Variants in AGAP2 observed in about 807,000 individuals in gnomAD.
AGAP2 encodes arf-GAP with GTPase, ANK repeat and PH domain-containing protein 2.
In AGAP2, 32 loss-of-function variants were observed where a neutral mutation model predicts 110.9. The ratio of observed to expected loss-of-function variants is 0.29; its 90% CI spans 0.22 to 0.39. The LOEUF (loss-of-function observed/expected upper bound fraction) is 0.39, where lower values mean the gene tolerates loss of function less well. Among genes scored for constraint, AGAP2 ranks in the 10% least tolerant of loss-of-function variants. The pLI is 1.00. For synonymous variants in AGAP2, 702 were observed against 713.0 expected (o/e 0.98, Z 0.25); for missense variants, 1,285 against 1,638.5 (o/e 0.78, Z 3.72).
chr12:57,724,988 T>C (rs1954736932), downstream of AGAP2: 1 of 152,174 alleles, frequency 6.6e-6, no homozygotes, highest in Non-Finnish European at 1.5e-5. Context: ...GTTCCCAGGG[T>C]CCCCACTGAC....
Position 57,725,791 on chromosome 12 carries a change from A to G in AGAP2, c.*761T>C, listed in dbSNP as rs1159363489. The G allele has an allele frequency of 6.6e-6, 1 of 150,694 alleles. No homozygotes were observed. Among genetic ancestry groups the G allele is most frequent in the Non-Finnish European group, 1.5e-5 (1 of 67,636 alleles). 9.3% of individuals were successfully genotyped at this position (150,694 alleles called of 1,614,324 possible). A position where few individuals can be genotyped will look rare whatever the true frequency, so the allele number is the denominator to read the frequency against. ...CATCCCCATGTTGGGGAACAAAGCAATAAATTACAAGGCCCCCGCAGCCCT... is the reference window on the plus strand; with the variant it reads ...CATCCCCATGTTGGGGAACAAAGCAGTAAATTACAAGGCCCCCGCAGCCCT... On this transcript the variant is annotated 3_prime_UTR_variant, in exon 19 of 19. Transcript: ENST00000547588.
In AGAP2 at chr12:57,738,335, G is replaced by GC; in HGVS notation, c.-90dup. ...CGGCCATGGGGCCGCCCTGCTCGCT[G>GC]CCCCCAGCCCCCGGACCCCGCTGAG... is the stretch of plus-strand genomic sequence containing the variant. On this transcript the variant is annotated 5_prime_UTR_variant, in exon 1 of 19. Transcript: ENST00000547588. This position sits in a 1 kb window ranked among gnomAD's most constrained non-coding sequence, Gnocchi z 6.7. 1 of 1,312,786 alleles carries GC rather than the reference G, an allele frequency of 7.6e-7. No individual in the cohort carries two copies. Among genetic ancestry groups the GC allele is most frequent in the Non-Finnish European group, 9.7e-7 (1 of 1,032,786 alleles). 81.3% of individuals were successfully genotyped at this position (1,312,786 alleles called of 1,614,324 possible).
rs1159362503 is a variant in AGAP2 at position 57,737,675 on chromosome 12, T to A, written c.572A>T (p.Lys191Met). Residue 191 changes from lysine to methionine, a missense_variant, in exon 1 of 19, where the codon AAG (lysine) becomes ATG (methionine). Around this residue, in one of 7 missense-constraint regions of AGAP2, gnomAD observed 844 missense variants for 941.2 expected, o/e 0.90. Coordinates refer to ENST00000547588, the MANE Select transcript of AGAP2 (RefSeq NM_001122772.3). The surrounding 1 kb of genome is among the most constrained non-coding windows in gnomAD (Gnocchi z 5.9). Reference protein sequence around the residue: ...APPPPAPKPCKTVTTSGAKAG... With the variant: ...APPPPAPKPCMTVTTSGAKAG... ...TTTGGCTCCACTCGTGGTCACGGTC[T>A]TGCAAGGCTTGGGAGCCGGCGGAGG... is the stretch of plus-strand genomic sequence containing the variant. The A allele has an allele frequency of 6.5e-7, 1 of 1,549,318 alleles. No homozygotes were observed. Among genetic ancestry groups the A allele is most frequent in the East Asian group, 2.4e-5 (1 of 41,172 alleles).
chr12:57,738,263 C>G lies in AGAP2; in HGVS notation c.-17G>C. ...CCGGCTCATGGGGCCCGGAGACCCC[C>G]GAGCTGGGGAGGGGAGGGGACTCCC... On this transcript the variant is annotated 5_prime_UTR_variant, in exon 1 of 19. Transcript: ENST00000547588. The surrounding 1 kb of genome is among the most constrained non-coding windows in gnomAD (Gnocchi z 6.7). 3.3e-6 allele frequency: 5 copies of G among 1,498,766 alleles called. No homozygotes were observed. The highest frequency in any genetic ancestry group is 2.7e-5 in the East Asian group (1 of 37,116). 92.8% of individuals were successfully genotyped at this position (1,498,766 alleles called of 1,614,324 possible).
chr12:57,741,795 G>T, upstream of AGAP2: 1 of 1,190,556 alleles, frequency 8.4e-7, no homozygotes, highest in Non-Finnish European at 1.2e-6. Flanking sequence ...CTTTCCCAGA[G>T]TCCCATCTTG....
intron 6 of AGAP2, 70 bp downstream of exon 6, chr12:57,732,775 C>T: frequency 1.9e-6 from 3 of 1,596,582 alleles, no homozygotes; most frequent in Admixed American, 3.4e-5. Context: ...GGCCTGGATG[C>T]CTGACCACTG....
At position 57,727,652 on chromosome 12, in the gene AGAP2, T is replaced by C. The variant is rs758102914; in HGVS notation, c.2857+29A>G. On this transcript the variant is annotated intron_variant, in intron 16 of 18. Coordinates refer to ENST00000547588, the MANE Select transcript of AGAP2 (RefSeq NM_001122772.3). ...GCACCCCGGCATTCACTACACTCCCTAGCCCCTCCGCTGCCTCCTGGCACT... is the reference window on the plus strand; with the variant it reads ...GCACCCCGGCATTCACTACACTCCCCAGCCCCTCCGCTGCCTCCTGGCACT... The C allele has an allele frequency of 1.2e-5, 19 of 1,594,702 alleles. No individual in the cohort carries two copies. In the African/African-American group the frequency reaches 1.6e-4, roughly 13 times the overall value.
chr12:57,732,322 G>T, intron 7 of AGAP2, 81 bp downstream of exon 7: 1 of 1,304,030 alleles, frequency 7.7e-7, no homozygotes, highest in Non-Finnish European at 1.1e-6. Flanking sequence ...GAACCTCCTT[G>T]GGTACTCTGT....
chr12:57,741,022 C>A (rs1955070885), upstream of AGAP2, among the ~76,000 whole-genome samples: 1 of 152,198 alleles, frequency 6.6e-6, no homozygotes, highest in Non-Finnish European at 1.5e-5. Flanking sequence ...CCACCAGACA[C>A]CTTTCATGAG....
chr12:57,729,622 G>A lies in AGAP2; in HGVS notation c.2557+17C>T, dbSNP rs1565792012. 1 of 1,606,768 alleles carries A rather than the reference G, an allele frequency of 6.2e-7. No homozygotes were observed. Among genetic ancestry groups the A allele is most frequent in the Admixed American group, 1.7e-5 (1 of 59,256 alleles). ...GAGGGTTCTGGGTGGGAGTGGAAGT[G>A]CCTGCCAGAGCCTCACCTTCAGCCT... On this transcript the variant is annotated intron_variant, in intron 13 of 18. Transcript: ENST00000547588.
At chr12:57,727,284 T>C in intron 17 of AGAP2, 55 bp from the exon 18 acceptor site, 2 of 1,611,632 alleles carry the variant, frequency 1.2e-6, no homozygotes, top group Non-Finnish European at 1.7e-6. Flanking sequence ...CCAGGACTTC[T>C]GCCCCTACCC....
chr12:57,742,012 C>T (rs1955082550), upstream of AGAP2: 1 of 1,614,158 alleles, frequency 6.2e-7, no homozygotes, highest in East Asian at 2.2e-5. Flanking sequence ...GCTTGGCCAC[C>T]TCATGTCGTC....
Position 57,733,892 on chromosome 12 carries a change from G to T in AGAP2, c.1549+134C>A, listed in dbSNP as rs147878083. The T allele has an allele frequency of 5.7e-3, 5,694 of 997,184 alleles. 21 individuals are homozygous for T. Among genetic ancestry groups the T allele is most frequent in the Non-Finnish European group, 7.1e-3 (5,111 of 723,852 alleles). 61.8% of individuals were successfully genotyped at this position (997,184 alleles called of 1,614,324 possible). ...CATGACTCCCTTATTTGGAGACCAG[G>T]CTCCCTCCAGAAGGGTACTATAATC... On this transcript the variant is annotated intron_variant, in intron 5 of 18. Coordinates refer to ENST00000547588, the MANE Select transcript of AGAP2 (RefSeq NM_001122772.3).
chr12:57,741,115 C>T (rs1462824156), upstream of AGAP2, among the ~76,000 whole-genome samples: 1 of 152,194 alleles, frequency 6.6e-6, no homozygotes, highest in African/African-American at 2.4e-5. Context: ...CCAGTTCCAC[C>T]AGTTCCTCAG....
rs778080477 is a variant in AGAP2, at chr12:57,730,458, T to C, written c.2428+37A>G. ...ATTTCCCACACTCATCCTATTTGGG[T>C]GTGGAAGACAGCAGATGGAAGGTCA... is the stretch of plus-strand genomic sequence containing the variant. On this transcript the variant is annotated intron_variant, in intron 12 of 18. Coordinates refer to ENST00000547588, the MANE Select transcript of AGAP2 (RefSeq NM_001122772.3). 1.3e-5 allele frequency: 21 copies of C among 1,611,080 alleles called. No homozygotes were observed. In the East Asian group the frequency reaches 4.5e-4, roughly 34 times the overall value.
At position 57,728,525 on chromosome 12, in the gene AGAP2, G is replaced by T. The variant is rs933848044; in HGVS notation, c.2558-148C>A. On this transcript the variant is annotated intron_variant, in intron 13 of 18. Coordinates refer to ENST00000547588, the MANE Select transcript of AGAP2 (RefSeq NM_001122772.3). The stretch of plus-strand genomic sequence containing the variant: ...CAGAGACAAAGCAGGACAGACAGAT[G>T]GGGAGAGAAAGCAGAACTAAAGTCA... 1.6e-5 allele frequency: 13 copies of T among 830,002 alleles called. No individual in the cohort carries two copies. In the African/African-American group the frequency reaches 2.1e-4, roughly 13 times the overall value. 51.4% of individuals were successfully genotyped at this position (830,002 alleles called of 1,614,324 possible).
At chr12:57,727,909 A>C (rs771131630) in intron 15 of AGAP2, 28 bp downstream of exon 15, 2 of 1,612,792 alleles carry the variant, frequency 1.2e-6, no homozygotes, top group Non-Finnish European at 1.7e-6. Flanking sequence ...TCCTGCGGCC[A>C]GTCCTCCACT....
At position 57,731,798 on chromosome 12, in the gene AGAP2, A is replaced by G. The variant is rs776118109; in HGVS notation, c.1953+11T>C. ...CAGGAGGATGGGGGTCAGCATGTCC[A>G]TGTCCAATACCGCAAAAAGGCTGGT... On this transcript the variant is annotated intron_variant, in intron 8 of 18. Coordinates refer to ENST00000547588, the MANE Select transcript of AGAP2 (RefSeq NM_001122772.3). The G allele has an allele frequency of 1.8e-5, 28 of 1,561,146 alleles. No homozygotes were observed. In the South Asian group the frequency reaches 3.3e-4, roughly 18 times the overall value.
At position 57,726,500 on chromosome 12, in the gene AGAP2, T is replaced by C; in HGVS notation, c.*52A>G. 1 of 1,179,522 alleles carries C rather than the reference T, an allele frequency of 8.5e-7. No individual in the cohort carries two copies. Among genetic ancestry groups the C allele is most frequent in the Non-Finnish European group, 1.0e-6 (1 of 953,264 alleles). The allele number at this position is 1,179,522 out of a possible 1,614,324, so 73.1% of individuals were successfully genotyped here. A position where few individuals can be genotyped will look rare whatever the true frequency, so the allele number is the denominator to read the frequency against. ...TGCGTCTGTCCAGCGGTCCGCCCGG[T>C]GTGGTCGTGCCCGGCCCGCGTGGGG... On this transcript the variant is annotated 3_prime_UTR_variant, in exon 19 of 19. Coordinates refer to ENST00000547588, the MANE Select transcript of AGAP2 (RefSeq NM_001122772.3). This position sits in a 1 kb window ranked among gnomAD's most constrained non-coding sequence, Gnocchi z 5.7.
Sources: gnomAD v4.1 joint callset for allele counts (sites outside exome capture counted in the v4.1 genomes callset) on GRCh38, gnomAD v4.1.1 for gene constraint, gnomAD v4.1.1 regional missense constraint, Gnocchi (gnomAD v3.1) non-coding constraint, MANE v1.5 for transcripts, NCBI Gene and HGNC (gene_info 2026-07-23, HGNC 2026-07-21) for gene names.